CALN1: variants seen among roughly 807,000 people sequenced by gnomAD.
CALN1 encodes calcium-binding protein 8.
Under a neutral mutation model 30.6 loss-of-function variants are expected in CALN1, and 17 were observed. The observed-to-expected ratio is 0.56, with a 90% CI of 0.38 to 0.83. The LOEUF (loss-of-function observed/expected upper bound fraction) is 0.83. Ranked by LOEUF, CALN1 falls within the 40% of genes least tolerant of loss-of-function variation. The probability of loss-of-function intolerance (pLI) is 0.00; values close to 1 mark genes in which losing one functional copy is unlikely to be tolerated. For missense variants in CALN1, 291 were observed against 354.9 expected (o/e 0.82, Z 1.45); for synonymous variants, 156 against 131.4 (o/e 1.19, Z -1.28).
At chr7:72,378,334 C>G (rs1426416385) in intron 2 of CALN1, among the ~76,000 whole-genome samples, 1 of 152,168 alleles carries the variant, frequency 6.6e-6, no homozygotes, top group African/African-American at 2.4e-5. Flanking sequence ...AATTAACATT[C>G]CACAAAGCTG....
intron 3 of CALN1, among the ~76,000 whole-genome samples, chr7:72,159,321 A>G (rs556073206): frequency 6.6e-6 from 1 of 152,296 alleles, no homozygotes; most frequent in Non-Finnish European, 1.5e-5. Flanking sequence ...GCAATATAGC[A>G]AGACCCCATC....
intron 3 of CALN1, among the ~76,000 whole-genome samples, chr7:72,269,378 G>T (rs1796821331): frequency 6.6e-6 from 1 of 151,772 alleles, no homozygotes; most frequent in African/African-American, 2.4e-5. Flanking sequence ...TCCACAACAG[G>T]CCCCAGTGTG....
intron 5 of CALN1, among the ~76,000 whole-genome samples, chr7:71,969,816 A>C (rs1239405253): frequency 1.3e-5 from 2 of 149,382 alleles, no homozygotes; most frequent in Non-Finnish European, 2.9e-5. Context: ...GGTACAGGCT[A>C]CTGTAGGACC....
intron 1 of CALN1, among the ~76,000 whole-genome samples, chr7:72,434,445 C>G (rs1214499093): frequency 6.6e-6 from 1 of 151,784 alleles, no homozygotes; most frequent in Non-Finnish European, 1.5e-5. Flanking sequence ...TCGGTTGAAC[C>G]CAGGAGGCAG....
At chr7:72,185,868 G>C (rs1404588611) in intron 3 of CALN1, among the ~76,000 whole-genome samples, 1 of 152,164 alleles carries the variant, frequency 6.6e-6, no homozygotes, top group African/African-American at 2.4e-5. Flanking sequence ...CCATGATTGC[G>C]AGGCTTTCAC....
intron 4 of CALN1, among the ~76,000 whole-genome samples, chr7:72,047,954 A>G (rs1802579619): frequency 6.6e-6 from 1 of 152,196 alleles, no homozygotes; most frequent in African/African-American, 2.4e-5. Context: ...TGATGTGAGC[A>G]AAGTAAGAGA....
Position 71,782,236 on chromosome 7 carries a change from C to G in CALN1, c.*5539G>C, listed in dbSNP as rs750944822. On this transcript the variant is annotated 3_prime_UTR_variant, in exon 7 of 7. Transcript: ENST00000395275. ...AGGGACAGATTCCTCATGAATGACTCGGTGCCCTCCCTGTAGTAATGAGTG... is the reference window on the plus strand; with the variant it reads ...AGGGACAGATTCCTCATGAATGACTGGGTGCCCTCCCTGTAGTAATGAGTG... 2 of 152,164 alleles carry G rather than the reference C, an allele frequency of 1.3e-5. No individual in the cohort carries two copies. The highest frequency in any genetic ancestry group is 4.8e-5 in the African/African-American group (2 of 41,448). The allele number at this position is 152,164 out of a possible 1,614,324, so 9.4% of individuals were successfully genotyped here.
At chr7:72,207,613 T>A (rs572068498) in intron 3 of CALN1, among the ~76,000 whole-genome samples, 4 of 141,938 alleles carry the variant, frequency 2.8e-5, no homozygotes, top group Admixed American at 1.4e-4. Flanking sequence ...ACTGCACCCA[T>A]CCCGCTTACT....
chr7:72,071,158 C>T (rs1176301272), intron 4 of CALN1, among the ~76,000 whole-genome samples: 1 of 152,204 alleles, frequency 6.6e-6, no homozygotes, highest in Non-Finnish European at 1.5e-5. Flanking sequence ...CCATCCCCTA[C>T]TCCCAATCCC....
chr7:72,285,056 T>C (rs1454076036), intron 2 of CALN1, among the ~76,000 whole-genome samples: 2 of 152,134 alleles, frequency 1.3e-5, no homozygotes, highest in East Asian at 1.9e-4. Flanking sequence ...GTGTGGTCTA[T>C]AGACCACTGC....
intron 5 of CALN1, among the ~76,000 whole-genome samples, chr7:71,963,501 T>C (rs906943395): frequency 3.3e-5 from 5 of 151,916 alleles, no homozygotes; most frequent in Non-Finnish European, 1.5e-5. Flanking sequence ...GACAGGGTTT[T>C]GCCATGTTGG....
upstream of CALN1, among the ~76,000 whole-genome samples, chr7:72,451,253 A>T (rs570239921): frequency 7.7e-6 from 1 of 129,630 alleles, no homozygotes; most frequent in Non-Finnish European, 1.6e-5. Flanking sequence ...AAGAGGAGGA[A>T]GAGGAGGAGG....
chr7:71,841,099 G>A (rs891371651), intron 5 of CALN1, among the ~76,000 whole-genome samples: 2 of 152,146 alleles, frequency 1.3e-5, no homozygotes, highest in Non-Finnish European at 2.9e-5. Flanking sequence ...AACAAACAGA[G>A]GCTATGTTGG....
At chr7:71,824,276 T>C (rs765856406) in intron 5 of CALN1, among the ~76,000 whole-genome samples, 7 of 152,178 alleles carry the variant, frequency 4.6e-5, no homozygotes, top group Non-Finnish European at 1.0e-4. Flanking sequence ...CAGTCTTTCC[T>C]GCCTGTTTCC....
intron 3 of CALN1, among the ~76,000 whole-genome samples, chr7:72,262,347 T>G (rs1554342527): frequency 2.0e-5 from 3 of 152,170 alleles, no homozygotes; most frequent in Non-Finnish European, 4.4e-5. Flanking sequence ...CCTGGATCTT[T>G]TTTGTTTCTT....
intron 3 of CALN1, among the ~76,000 whole-genome samples, chr7:72,254,823 G>C (rs761109435): frequency 1.3e-5 from 2 of 152,104 alleles, no homozygotes; most frequent in Non-Finnish European, 2.9e-5. Flanking sequence ...CTGGAGTGCA[G>C]TGGTGCCATC....
At chr7:72,107,275 T>C (rs1807241928) in intron 3 of CALN1, among the ~76,000 whole-genome samples, 1 of 152,206 alleles carries the variant, frequency 6.6e-6, no homozygotes, top group Non-Finnish European at 1.5e-5. Context: ...CCTGCTGCTG[T>C]AGGAGCTGTG....
chr7:72,225,067 A>C (rs1793575833), intron 3 of CALN1, among the ~76,000 whole-genome samples: 1 of 151,244 alleles, frequency 6.6e-6, no homozygotes, highest in Non-Finnish European at 1.5e-5. Context: ...ACGCCACTGC[A>C]CTCTAGCCTG....
rs1268874083 is a variant in CALN1 at position 72,105,475 on chromosome 7, C to G, written c.388+676G>C. Among the ~76,000 whole-genome samples, 5 of 151,906 alleles carry G rather than the reference C, an allele frequency of 3.3e-5. 1 individual carries two copies. ...TTGGTGATGTTGGAGGAACATTCCCCAACTCACTGCCCCCATTCCTTTTTG... is the reference window on the plus strand; with the variant it reads ...TTGGTGATGTTGGAGGAACATTCCCGAACTCACTGCCCCCATTCCTTTTTG... On this transcript the variant is annotated intron_variant, in intron 4 of 6. Transcript: ENST00000395275.
Sources: allele counts gnomAD v4.1 joint callset (sites outside exome capture counted in the v4.1 genomes callset), GRCh38; gene constraint gnomAD v4.1.1; transcripts MANE v1.5; gene names NCBI Gene and HGNC (gene_info 2026-07-23, HGNC 2026-07-21).